The following SLC9A7 variants were observed in gnomAD, a reference collection of about 807,000 sequenced individuals.
SLC9A7 encodes sodium/hydrogen exchanger 7.
In SLC9A7, 19 loss-of-function variants were observed where a neutral mutation model predicts 52.6. The ratio of observed to expected loss-of-function variants is 0.36; its 90% confidence interval spans 0.25 to 0.53. The LOEUF (loss-of-function observed/expected upper bound fraction) is 0.53, where lower values mean the gene tolerates loss of function less well. SLC9A7 is among the 20% of genes least tolerant of loss of function. The probability of loss-of-function intolerance (pLI) is 0.91; values close to 1 mark genes in which losing one functional copy is unlikely to be tolerated. For synonymous variants in SLC9A7, 226 were observed against 252.1 expected, an observed-to-expected ratio of 0.90 and a Z score of 0.98; for missense variants, 455 against 597.9, an observed-to-expected ratio of 0.76 and a Z score of 2.49.
intron 7 of SLC9A7, among the ~76,000 whole-genome samples, chrX:46,657,035 T>C (rs878867426): frequency 1.6e-4 from 17 of 106,680 alleles, no homozygotes; most frequent in African/African-American, 5.8e-4. Context: ...CGGCAGAAAC[T>C]CTACAAGCCA....
chrX:46,677,270 G>A (rs1944135016), intron 3 of SLC9A7, among the ~76,000 whole-genome samples: 1 of 111,727 alleles, frequency 9.0e-6, no homozygotes, highest in South Asian at 3.7e-4. Flanking sequence ...CTTTGCGCAG[G>A]CCCAACAATT....
intron 12 of SLC9A7, among the ~76,000 whole-genome samples, chrX:46,636,376 C>T (rs1199414810): frequency 9.0e-6 from 1 of 110,606 alleles, no homozygotes; most frequent in African/African-American, 3.3e-5. Flanking sequence ...TGTGGTGACC[C>T]GCATGGTGCA....
intron 1 of SLC9A7, among the ~76,000 whole-genome samples, chrX:46,714,155 T>C (rs1476718522): frequency 9.0e-6 from 1 of 110,806 alleles, no homozygotes; most frequent in Non-Finnish European, 1.9e-5. Flanking sequence ...ATATTATCTC[T>C]TAATTTTCAC....
intron 1 of SLC9A7, among the ~76,000 whole-genome samples, chrX:46,697,165 A>G (rs1944460296): frequency 1.8e-5 from 2 of 112,613 alleles, no homozygotes; most frequent in Admixed American, 1.9e-4. Context: ...ATGCTACATT[A>G]CAAAAACTGA....
At chrX:46,704,529 C>T (rs1028955894) in intron 1 of SLC9A7, among the ~76,000 whole-genome samples, 3 of 112,064 alleles carry the variant, frequency 2.7e-5, no homozygotes, top group Non-Finnish European at 5.6e-5. Flanking sequence ...GTGTCTGGGA[C>T]ACAAGGAATG....
At chrX:46,666,282 A>G (rs1237615579) in intron 5 of SLC9A7, among the ~76,000 whole-genome samples, 2 of 110,818 alleles carry the variant, frequency 1.8e-5, no homozygotes, top group African/African-American at 6.6e-5. Context: ...AATTTTTACA[A>G]TTTTTTTGTG....
intron 5 of SLC9A7, among the ~76,000 whole-genome samples, chrX:46,667,655 G>T (rs1463573112): frequency 1.8e-5 from 2 of 111,621 alleles, no homozygotes; most frequent in South Asian, 3.8e-4. Context: ...CCCCCAAGGG[G>T]CATGGTCAAG....
intron 1 of SLC9A7, among the ~76,000 whole-genome samples, chrX:46,751,390 T>TA (rs781896501): frequency 9.0e-6 from 1 of 111,407 alleles, no homozygotes; most frequent in Non-Finnish European, 1.9e-5. Context: ...CCATATTGAT[T>TA]AAAAGCCAGG....
At chrX:46,695,303 T>A (rs1173733892) in intron 1 of SLC9A7, among the ~76,000 whole-genome samples, 1 of 112,878 alleles carries the variant, frequency 8.9e-6, no homozygotes, top group Non-Finnish European at 1.9e-5. Context: ...ACTTTTCCAA[T>A]AAGTATCTCT....
At position 46,722,159 on chromosome X, in the gene SLC9A7, G is replaced by A. The variant is rs144649758; in HGVS notation, c.325+36546C>T. 3.0e-3 allele frequency among the ~76,000 whole-genome samples: 332 copies of A among 111,286 alleles called. 2 individuals carry two copies. Among genetic ancestry groups the A allele is most frequent in the Admixed American group, 0.023 (238 of 10,462 alleles). Reference sequence around the variant, plus strand: ...GGGTCAACAACAGCCTTAATAGCACGTTGCCCCCAAATACAAAGGTGTTCC... The same window carrying A: ...GGGTCAACAACAGCCTTAATAGCACATTGCCCCCAAATACAAAGGTGTTCC... On this transcript the variant is annotated intron_variant, in intron 1 of 16. Transcript: ENST00000616978.
chrX:46,632,164 C>A (rs990903152), intron 13 of SLC9A7, among the ~76,000 whole-genome samples: 2 of 112,247 alleles, frequency 1.8e-5, no homozygotes, highest in East Asian at 2.8e-4. Flanking sequence ...ACCTATCTAT[C>A]CATTTCTCTA....
At chrX:46,737,428 T>C (rs930015891) in intron 1 of SLC9A7, among the ~76,000 whole-genome samples, 2 of 112,318 alleles carry the variant, frequency 1.8e-5, no homozygotes, top group African/African-American at 6.5e-5. Context: ...GTCCTGTTTC[T>C]TTCTTCAGTG....
chrX:46,607,938 G>A (rs1175373499), intron 16 of SLC9A7, among the ~76,000 whole-genome samples: 1 of 112,492 alleles, frequency 8.9e-6, no homozygotes. Flanking sequence ...GAGGCCTATT[G>A]AGTACTGTGC....
chrX:46,687,779 C>A (rs979219719), intron 1 of SLC9A7, among the ~76,000 whole-genome samples: 3 of 112,210 alleles, frequency 2.7e-5, no homozygotes, highest in African/African-American at 9.7e-5. Context: ...AGTATATTCA[C>A]AGAGTTGCAC....
At chrX:46,682,285 G>A (rs774850627) in intron 2 of SLC9A7, 51 bp downstream of exon 2, 2 of 1,110,537 alleles carry the variant, frequency 1.8e-6, no homozygotes, top group Non-Finnish European at 2.5e-6. Context: ...AGACAAGTCA[G>A]GGAATCAACA....
At chrX:46,662,207 A>G in intron 6 of SLC9A7, 50 bp from the exon 7 acceptor site, 1 of 1,092,178 alleles carries the variant, frequency 9.2e-7, no homozygotes, top group Non-Finnish European at 1.2e-6. Context: ...CAGGTTTTAC[A>G]CTATGGTACT....
At chrX:46,694,075 A>G (rs1013222093) in intron 1 of SLC9A7, among the ~76,000 whole-genome samples, 1 of 110,872 alleles carries the variant, frequency 9.0e-6, no homozygotes, top group African/African-American at 3.3e-5. Flanking sequence ...TGGGTTGAAA[A>G]ACTACCTATT....
chrX:46,654,054 A>T lies in SLC9A7; in HGVS notation c.1042-340T>A, dbSNP rs908239149. ...GGAATTGTGCACGTAAAGATGGTTA[A>T]ATGACAAATCTCGTTGGCTATATTT... On this transcript the variant is annotated intron_variant, in intron 7 of 16. Transcript: ENST00000616978. Among the ~76,000 whole-genome samples, 2 of 111,119 alleles carry T rather than the reference A, an allele frequency of 1.8e-5. 1 individual carries two copies. The highest frequency in any genetic ancestry group is 3.8e-5 in the Non-Finnish European group (2 of 53,079).
intron 1 of SLC9A7, among the ~76,000 whole-genome samples, chrX:46,682,942 C>T (rs1472077044): frequency 2.9e-5 from 3 of 101,791 alleles, no homozygotes; most frequent in Non-Finnish European, 4.0e-5. Context: ...TACAGGCACC[C>T]ACCACTACAC....
Sources: allele counts gnomAD v4.1 joint callset (sites outside exome capture counted in the v4.1 genomes callset), GRCh38; gene constraint gnomAD v4.1.1; transcripts MANE v1.5; gene names NCBI Gene and HGNC (gene_info 2026-07-23, HGNC 2026-07-21).